Variants in PSMG2 observed in about 807,000 individuals in gnomAD.
PSMG2 encodes proteasome assembly chaperone 2, also known as CD40 ligand-activated specific transcript 3.
In PSMG2, 21 loss-of-function variants were observed where a neutral mutation model predicts 31.5. That is an observed-to-expected ratio of 0.67 (90% CI 0.47 to 0.96). The LOEUF (loss-of-function observed/expected upper bound fraction) is 0.96. Ranked by LOEUF, PSMG2 falls within the 40% of genes least tolerant of loss-of-function variation. PSMG2 has a pLI of 0.00. For synonymous variants in PSMG2, 120 were observed against 110.4 expected, an observed-to-expected ratio of 1.09 and a Z score of -0.54; for missense variants, 318 against 321.2, an observed-to-expected ratio of 0.99 and a Z score of 0.08.
intron 2 of PSMG2, among the ~76,000 whole-genome samples, chr18:12,708,874 T>C (rs1169080590): frequency 6.8e-6 from 1 of 146,998 alleles, no homozygotes; most frequent in African/African-American, 2.5e-5. Flanking sequence ...CCCGACTACT[T>C]TTTGTTTTTG....
At chr18:12,664,936 T>G (rs2038774499) in intron 1 of PSMG2, 1 of 152,148 alleles carries the variant, frequency 6.6e-6, no homozygotes, top group Non-Finnish European at 1.5e-5. Flanking sequence ...TGATCTCAAG[T>G]GATCCACCCA....
chr18:12,683,109 G>A (rs1194959829), intron 1 of PSMG2, among the ~76,000 whole-genome samples: 2 of 149,994 alleles, frequency 1.3e-5, no homozygotes, highest in Non-Finnish European at 3.0e-5. Flanking sequence ...ACTTTGGGAG[G>A]CTGAAGCGGG....
intron 1 of PSMG2, among the ~76,000 whole-genome samples, chr18:12,660,691 T>C (rs912386359): frequency 6.6e-6 from 1 of 152,046 alleles, no homozygotes; most frequent in Non-Finnish European, 1.5e-5. Flanking sequence ...TTTTAACATA[T>C]ACACATTTTG....
At chr18:12,689,973 G>A (rs1319066626) in intron 1 of PSMG2, among the ~76,000 whole-genome samples, 1 of 152,158 alleles carries the variant, frequency 6.6e-6, no homozygotes, top group Non-Finnish European at 1.5e-5. Context: ...ATTTTTAGTA[G>A]AGACAAGGTT....
intron 3 of PSMG2, among the ~76,000 whole-genome samples, chr18:12,718,097 C>T (rs1278696138): frequency 1.3e-5 from 2 of 151,724 alleles, no homozygotes; most frequent in East Asian, 1.9e-4. Flanking sequence ...CAGCCTTCAC[C>T]TCCTGGGTTC....
rs1420649195 is a variant in PSMG2 at position 12,718,558 on chromosome 18, G to A, written c.330G>A (p.Val110=). ...KPFCEKLLSW[V]KSSGCARVIV... is the part of the protein sequence containing the mutation. ...TCTGTGAAAAACTGCTTTCCTGGGT[G>A]AAAAGCAGTGGCTGTGCCAGAGTCA... Residue 110 remains valine, a synonymous_variant, in exon 4 of 7, where the codon GTG becomes GTA. Coordinates refer to ENST00000317615, the MANE Select transcript of PSMG2 (RefSeq NM_020232.5). 6.2e-7 allele frequency: 1 copy of A among 1,612,048 alleles called. No individual in the cohort carries two copies. The highest frequency in any genetic ancestry group is 1.3e-5 in the African/African-American group (1 of 74,990).
At chr18:12,699,255 T>C (rs1343011757), upstream of PSMG2, 2 of 1,260,604 alleles carry the variant, frequency 1.6e-6, no homozygotes, top group African/African-American at 1.5e-5. Flanking sequence ...CTTAAAAGAA[T>C]GTGATCAAGA....
chr18:12,666,751 A>C (rs113922676), intron 1 of PSMG2, among the ~76,000 whole-genome samples: 6 of 151,694 alleles, frequency 4.0e-5, no homozygotes, highest in African/African-American at 2.4e-5. Context: ...ACCCGGCCAA[A>C]AAAAAAAAAA....
intron 1 of PSMG2, among the ~76,000 whole-genome samples, chr18:12,687,950 C>T (rs915955125): frequency 5.3e-5 from 8 of 151,684 alleles, no homozygotes; most frequent in African/African-American, 1.9e-4. Flanking sequence ...TTCTTAAAAC[C>T]TAATGGCCTT....
intron 3 of PSMG2, among the ~76,000 whole-genome samples, chr18:12,714,745 A>T (rs2040362322): frequency 6.6e-6 from 1 of 151,664 alleles, no homozygotes; most frequent in African/African-American, 2.4e-5. Flanking sequence ...TTCATGCTTC[A>T]GCTTCCCCAA....
intron 1 of PSMG2, chr18:12,678,074 A>T (rs777350700): frequency 5.3e-5 from 80 of 1,519,978 alleles, no homozygotes; most frequent in Non-Finnish European, 3.5e-5. Flanking sequence ...AAATGAAAAG[A>T]AGTATGAAAC....
intron 2 of PSMG2, among the ~76,000 whole-genome samples, chr18:12,707,932 C>T (rs924631186): frequency 5.9e-5 from 9 of 152,062 alleles, no homozygotes; most frequent in African/African-American, 1.7e-4. Flanking sequence ...GCTTTGTCAA[C>T]GCAAGACTAA....
chr18:12,703,020 G>T, upstream of PSMG2: 1 of 1,466,638 alleles, frequency 6.8e-7, no homozygotes, highest in Non-Finnish European at 9.2e-7. Context: ...CGCCCCGCGA[G>T]GCTCCGGGGT....
chr18:12,702,612 G>A (rs1384940155), upstream of PSMG2: 2 of 1,540,656 alleles, frequency 1.3e-6, no homozygotes, highest in Non-Finnish European at 1.7e-6. Flanking sequence ...CGCGGCCCCG[G>A]CCGGGCCAGG....
intron 2 of PSMG2, among the ~76,000 whole-genome samples, chr18:12,711,921 T>G (rs2040336479): frequency 6.6e-6 from 1 of 152,060 alleles, no homozygotes; most frequent in Non-Finnish European, 1.5e-5. Flanking sequence ...GCCTGGCTAA[T>G]TTTTTTATTT....
At chr18:12,713,044 A>G (rs1235325291) in intron 3 of PSMG2, among the ~76,000 whole-genome samples, 1 of 152,184 alleles carries the variant, frequency 6.6e-6, no homozygotes, top group Non-Finnish European at 1.5e-5. Flanking sequence ...TTCCATTTGT[A>G]TTACCTTTCA....
intron 1 of PSMG2, among the ~76,000 whole-genome samples, chr18:12,681,961 A>G (rs1232915283): frequency 1.3e-5 from 2 of 151,566 alleles, no homozygotes; most frequent in African/African-American, 4.8e-5. Context: ...GTGCCACTGC[A>G]CTCCAGCCTG....
intron 1 of PSMG2, among the ~76,000 whole-genome samples, chr18:12,663,252 T>C (rs761282107): frequency 6.6e-6 from 1 of 152,142 alleles, no homozygotes; most frequent in Non-Finnish European, 1.5e-5. Context: ...TTAATTCCAG[T>C]GGGAAATTAA....
chr18:12,671,178 G>A (rs966475563), intron 1 of PSMG2: 2 of 151,866 alleles, frequency 1.3e-5, no homozygotes, highest in African/African-American at 4.8e-5. Context: ...GCTACTTCTT[G>A]GGCCATCCTC....
Sources: gnomAD v4.1 joint callset for allele counts (sites outside exome capture counted in the v4.1 genomes callset) on GRCh38, gnomAD v4.1.1 for gene constraint, MANE v1.5 for transcripts, NCBI Gene and HGNC (gene_info 2026-07-23, HGNC 2026-07-21) for gene names.